The following THEMIS variants were observed in gnomAD, a reference collection of about 807,000 sequenced individuals.
The protein encoded by THEMIS is thymocyte selection associated.
A neutral mutation model predicts 52.6 loss-of-function variants in THEMIS; 37 were observed. That is an observed-to-expected ratio of 0.70 (90% CI 0.54 to 0.93). The LOEUF (loss-of-function observed/expected upper bound fraction) is 0.93, where lower values mean the gene tolerates loss of function less well. Among genes scored for constraint, THEMIS ranks in the 40% least tolerant of loss-of-function variants. The probability of loss-of-function intolerance (pLI) is 0.00; values close to 1 mark genes in which losing one functional copy is unlikely to be tolerated. For synonymous variants in THEMIS, 292 were observed against 272.7 expected (o/e 1.07, Z -0.70); for missense variants, 808 against 763.1 (o/e 1.06, Z -0.69).
chr6:127,719,731 A>C lies in THEMIS; in HGVS notation c.1851T>G (p.Asp617Glu). ...VLIGSQNDLV[D>E]EEKERSNRGA... ...CACGGTTGCTCCTTTCTTTCTCTTC[A>C]TCCACCAAATCATTCTGACTACCAA... The change falls in exon 5 of 6, where the codon GAT becomes GAG. Residue 617 changes from aspartate to glutamate, a missense_variant. Physicochemically the swap from Asp to Glu is conservative, Grantham distance 45. Transcript: ENST00000368248. The C allele has an allele frequency of 6.2e-7, 1 of 1,612,218 alleles. No homozygotes were observed. The highest frequency in any genetic ancestry group is 8.5e-7 in the Non-Finnish European group (1 of 1,178,932).
chr6:127,757,548 T>C (rs1775871223), intron 4 of THEMIS, among the ~76,000 whole-genome samples: 1 of 152,096 alleles, frequency 6.6e-6, no homozygotes, highest in Admixed American at 6.5e-5. Context: ...AGTGGCGCTA[T>C]CTCGGCTCAC....
intron 4 of THEMIS, among the ~76,000 whole-genome samples, chr6:127,723,776 C>A (rs1281221601): frequency 6.6e-6 from 1 of 151,992 alleles, no homozygotes; most frequent in East Asian, 1.9e-4. Flanking sequence ...TAAACCTTAG[C>A]CAGCACCCTA....
intron 5 of THEMIS, among the ~76,000 whole-genome samples, chr6:127,716,531 C>G (rs925663805): frequency 6.6e-6 from 1 of 151,854 alleles, no homozygotes; most frequent in Non-Finnish European, 1.5e-5. Flanking sequence ...CCTGAAGAAC[C>G]ATGCCAGCTC....
At chr6:127,786,387 T>C (rs1776949716) in intron 4 of THEMIS, among the ~76,000 whole-genome samples, 1 of 152,188 alleles carries the variant, frequency 6.6e-6, no homozygotes, top group Non-Finnish European at 1.5e-5. Flanking sequence ...TAAAACTTTG[T>C]AGCCAGATAA....
chr6:127,749,128 T>C (rs1775548982), intron 4 of THEMIS, among the ~76,000 whole-genome samples: 1 of 152,092 alleles, frequency 6.6e-6, no homozygotes, highest in Non-Finnish European at 1.5e-5. Flanking sequence ...TAGTAAAACT[T>C]GATTCAGCCA....
chr6:127,841,035 T>C (rs1436110570), intron 2 of THEMIS, among the ~76,000 whole-genome samples: 1 of 152,108 alleles, frequency 6.6e-6, no homozygotes, highest in East Asian at 1.9e-4. Context: ...TGTGTCATTC[T>C]ACATTTATCA....
chr6:127,801,720 C>T (rs1777542399), intron 4 of THEMIS, among the ~76,000 whole-genome samples: 1 of 152,138 alleles, frequency 6.6e-6, no homozygotes, highest in Admixed American at 6.5e-5. Flanking sequence ...ATGGCCTCCC[C>T]TGAGGCGGTT....
chr6:127,899,935 A>T (rs1043407063), intron 1 of THEMIS, among the ~76,000 whole-genome samples: 2 of 148,094 alleles, frequency 1.4e-5, no homozygotes, highest in East Asian at 2.0e-4. Context: ...AATATATATA[A>T]AAACTGGAGC....
At chr6:127,853,575 G>GA (rs1406012096) in intron 2 of THEMIS, among the ~76,000 whole-genome samples, 1 of 151,526 alleles carries the variant, frequency 6.6e-6, no homozygotes, top group Non-Finnish European at 1.5e-5. Flanking sequence ...TAGAGCACTT[G>GA]AAAAAATCCT....
intron 4 of THEMIS, among the ~76,000 whole-genome samples, chr6:127,805,495 A>G (rs1170480453): frequency 6.6e-6 from 1 of 152,070 alleles, no homozygotes; most frequent in African/African-American, 2.4e-5. Flanking sequence ...TCTTAAATTT[A>G]AAGTTCATTT....
chr6:127,887,764 T>C (rs1004539786), intron 1 of THEMIS, among the ~76,000 whole-genome samples: 1 of 152,150 alleles, frequency 6.6e-6, no homozygotes, highest in Non-Finnish European at 1.5e-5. Context: ...TGGTCTTAAA[T>C]CGATGATGAT....
At chr6:127,823,575 A>C (rs1226655463) in intron 3 of THEMIS, among the ~76,000 whole-genome samples, 1 of 152,148 alleles carries the variant, frequency 6.6e-6, no homozygotes, top group Non-Finnish European at 1.5e-5. Context: ...TCAAGCACTG[A>C]GAAGATACAA....
intron 1 of THEMIS, among the ~76,000 whole-genome samples, chr6:127,910,731 C>T (rs567816972): frequency 1.4e-4 from 22 of 152,284 alleles, no homozygotes; most frequent in Non-Finnish European, 2.6e-4. Context: ...TTTATTTTAA[C>T]ACTTTACATT....
At chr6:127,869,181 A>G (rs1329917929) in intron 1 of THEMIS, among the ~76,000 whole-genome samples, 1 of 152,214 alleles carries the variant, frequency 6.6e-6, no homozygotes, top group Non-Finnish European at 1.5e-5. Flanking sequence ...ATGTTCCTCA[A>G]CTTACCATAG....
Position 127,900,903 on chromosome 6 carries a change from G to C in THEMIS, c.30C>G (p.His10Gln). ...TGGGTAGGGTCCTGAGGTCAAGGGA[G>C]TGGACGAATTCTTCCAGTGATAATG... MALSLEEFV[H>Q]SLDLRTLPRV... Residue 10 changes from histidine to glutamine, a missense_variant, in exon 1 of 6, where the codon CAC becomes CAG. Coordinates refer to ENST00000368248, the MANE Select transcript of THEMIS (RefSeq NM_001010923.3). 6.2e-7 allele frequency: 1 copy of C among 1,613,160 alleles called. No individual in the cohort carries two copies. The highest frequency in any genetic ancestry group is 1.3e-5 in the African/African-American group (1 of 74,960).
chr6:127,836,394 A>G (rs1258546074), intron 2 of THEMIS, among the ~76,000 whole-genome samples: 1 of 152,194 alleles, frequency 6.6e-6, no homozygotes, highest in African/African-American at 2.4e-5. Context: ...ATAACTGTCA[A>G]CATATGCTGT....
At chr6:127,788,596 T>C (rs899431411) in intron 4 of THEMIS, among the ~76,000 whole-genome samples, 3 of 152,230 alleles carry the variant, frequency 2.0e-5, no homozygotes, top group African/African-American at 7.2e-5. Context: ...TTTCAGATTA[T>C]AGTACTCTAC....
intron 1 of THEMIS, among the ~76,000 whole-genome samples, chr6:127,906,681 A>T (rs1781277004): frequency 6.6e-6 from 1 of 151,954 alleles, no homozygotes; most frequent in South Asian, 2.1e-4. Flanking sequence ...TTGGAAAAAA[A>T]ATATTGTCCT....
chr6:127,734,959 G>A (rs1774951544), intron 4 of THEMIS, among the ~76,000 whole-genome samples: 1 of 133,980 alleles, frequency 7.5e-6, no homozygotes, highest in Non-Finnish European at 1.6e-5. Flanking sequence ...ATACATATAT[G>A]TGTGTGTGTA....
Sources: gnomAD v4.1 joint callset for allele counts (sites outside exome capture counted in the v4.1 genomes callset) on GRCh38, gnomAD v4.1.1 for gene constraint, MANE v1.5 for transcripts, NCBI Gene and HGNC (gene_info 2026-07-23, HGNC 2026-07-21) for gene names.